Variants in RBFOX1 observed in about 807,000 individuals in gnomAD.
RBFOX1 encodes the protein RNA binding fox-1 homolog 1.
RBFOX1 carries 8 observed loss-of-function variants against 57.7 expected under a neutral mutation model. That is an observed-to-expected ratio of 0.14 (90% confidence interval 0.08 to 0.25). RBFOX1 has a LOEUF of 0.25. Among genes scored for constraint, RBFOX1 ranks in the 10% least tolerant of loss-of-function variants. The pLI, the probability that RBFOX1 is intolerant of heterozygous loss-of-function variation, is 1.00. For missense variants in RBFOX1, 611 were observed against 548.5 expected (o/e 1.11, Z -1.14); for synonymous variants, 326 against 222.4 (o/e 1.47, Z -4.15).
At chr16:5,953,827 A>AT (rs942220486) in intron 4 of RBFOX1, among the ~76,000 whole-genome samples, 16 of 151,942 alleles carry the variant, frequency 1.1e-4, no homozygotes, top group African/African-American at 3.6e-4. Context: ...GTGTGCAAGT[A>AT]TTTTTTTGTA....
chr16:6,813,222 G>C (rs2089200701), intron 3 of RBFOX1, among the ~76,000 whole-genome samples: 1 of 152,060 alleles, frequency 6.6e-6, no homozygotes, highest in Non-Finnish European at 1.5e-5. Flanking sequence ...GCTAATTACT[G>C]AAATTTACAC....
intron 3 of RBFOX1, among the ~76,000 whole-genome samples, chr16:5,856,575 G>GTATATA (rs375112636): frequency 0.019 from 614 of 32,896 alleles, 49 homozygotes; most frequent in African/African-American, 0.036. Flanking sequence ...GTGTGTGTGT[G>GTATATA]TATATATATA....
At chr16:7,238,750 C>T (rs146174771) in intron 4 of RBFOX1, among the ~76,000 whole-genome samples, 112 of 152,264 alleles carry the variant, frequency 7.4e-4, no homozygotes, top group African/African-American at 2.7e-3. Context: ...AGGTGTTAAA[C>T]CTAGTACCCA....
intron 4 of RBFOX1, among the ~76,000 whole-genome samples, chr16:7,251,408 T>TTG (rs2094494888): frequency 6.8e-6 from 1 of 146,272 alleles, no homozygotes; most frequent in Admixed American, 6.9e-5. Flanking sequence ...TCTGTCCGTT[T>TTG]TTTTTTTTTT....
At chr16:6,246,928 G>A (rs1357083225) in intron 1 of RBFOX1, among the ~76,000 whole-genome samples, 1 of 152,166 alleles carries the variant, frequency 6.6e-6, no homozygotes, top group Non-Finnish European at 1.5e-5. Flanking sequence ...AAACTAGCCA[G>A]GTGTGGTGGC....
intron 5 of RBFOX1, among the ~76,000 whole-genome samples, chr16:7,571,741 G>C (rs1042942393): frequency 6.6e-6 from 1 of 152,112 alleles, no homozygotes; most frequent in East Asian, 1.9e-4. Context: ...CCCACCTCTT[G>C]GGGTTAATGG....
At chr16:5,356,720 T>A (rs1284567882) in intron 1 of RBFOX1, among the ~76,000 whole-genome samples, 3 of 152,204 alleles carry the variant, frequency 2.0e-5, no homozygotes, top group African/African-American at 7.2e-5. Flanking sequence ...TGAGGTTAAT[T>A]CAAAGATTGT....
intron 2 of RBFOX1, among the ~76,000 whole-genome samples, chr16:6,579,446 G>T (rs983052732): frequency 3.3e-5 from 5 of 152,096 alleles, no homozygotes; most frequent in African/African-American, 1.2e-4. Context: ...TCATGGGAGG[G>T]ACCTGGTGGA....
chr16:7,124,024 C>G (rs985552747), intron 4 of RBFOX1, among the ~76,000 whole-genome samples: 1 of 152,138 alleles, frequency 6.6e-6, no homozygotes, highest in African/African-American at 2.4e-5. Flanking sequence ...AATGGAATTA[C>G]TAGGTCAAAG....
rs187335066 is a variant in RBFOX1, at chr16:6,854,945, A to C, written c.-15-197112A>C. 7.2e-5 allele frequency among the ~76,000 whole-genome samples: 11 copies of C among 152,058 alleles called. No homozygotes were observed. In the South Asian group the frequency reaches 1.3e-3, roughly 17 times the overall value. ...TTCTATATGACAGAGGAGAACTTTG[A>C]TCACCGAGATTAGAATCCCTTGTTA... On this transcript the variant is annotated intron_variant, in intron 3 of 15. Coordinates refer to ENST00000550418, the MANE Select transcript of RBFOX1 (RefSeq NM_018723.4).
At chr16:7,098,559 G>A (rs1185112519) in intron 4 of RBFOX1, among the ~76,000 whole-genome samples, 1 of 152,176 alleles carries the variant, frequency 6.6e-6, no homozygotes, top group Non-Finnish European at 1.5e-5. Flanking sequence ...ACACACATCA[G>A]CACCCTTAAA....
chr16:7,351,830 C>T (rs1359721738), intron 4 of RBFOX1, among the ~76,000 whole-genome samples: 2 of 152,134 alleles, frequency 1.3e-5, no homozygotes, highest in Non-Finnish European at 2.9e-5. Flanking sequence ...CACATTCTGC[C>T]TCTCAATCTT....
At chr16:6,794,933 C>G (rs532539153) in intron 3 of RBFOX1, among the ~76,000 whole-genome samples, 4 of 152,210 alleles carry the variant, frequency 2.6e-5, no homozygotes, top group African/African-American at 9.6e-5. Context: ...CAAACTGAGA[C>G]CTCAAATATT....
chr16:7,208,722 A>G (rs1247195608), intron 4 of RBFOX1, among the ~76,000 whole-genome samples: 1 of 152,178 alleles, frequency 6.6e-6, no homozygotes, highest in Non-Finnish European at 1.5e-5. Context: ...CTGTAGTCCC[A>G]ACTAATAGAG....
At chr16:5,765,415 C>T (rs2053741421) in intron 3 of RBFOX1, among the ~76,000 whole-genome samples, 2 of 152,202 alleles carry the variant, frequency 1.3e-5, no homozygotes, top group South Asian at 4.1e-4. Context: ...AAAACTCTTA[C>T]CAGCAAATGA....
intron 2 of RBFOX1, among the ~76,000 whole-genome samples, chr16:6,496,985 G>C (rs2095789148): frequency 6.6e-6 from 1 of 152,160 alleles, no homozygotes; most frequent in Non-Finnish European, 1.5e-5. Context: ...AAAAGAAAAT[G>C]CACTAAGTAT....
At chr16:7,692,615 A>G (rs1189986036) in intron 14 of RBFOX1, among the ~76,000 whole-genome samples, 7 of 152,224 alleles carry the variant, frequency 4.6e-5, no homozygotes, top group Non-Finnish European at 4.4e-5. Context: ...TTGTAGACGA[A>G]TTAGTACCTC....
intron 1 of RBFOX1, among the ~76,000 whole-genome samples, chr16:5,261,642 C>T (rs923932602): frequency 2.7e-4 from 41 of 151,750 alleles, no homozygotes; most frequent in Admixed American, 5.3e-4. Context: ...CTCCGCCTCC[C>T]GGGTTCATGC....
chr16:5,404,242 A>G (rs908260707), intron 1 of RBFOX1, among the ~76,000 whole-genome samples: 3 of 152,146 alleles, frequency 2.0e-5, no homozygotes, highest in Non-Finnish European at 2.9e-5. Context: ...TGACTTGACC[A>G]CTATGCAATC....
Sources: gnomAD v4.1 joint callset for allele counts (sites outside exome capture counted in the v4.1 genomes callset) on GRCh38, gnomAD v4.1.1 for gene constraint, MANE v1.5 for transcripts, NCBI Gene and HGNC (gene_info 2026-07-23, HGNC 2026-07-21) for gene names.